ROBO2: variants seen among roughly 807,000 people sequenced by gnomAD.
The protein encoded by ROBO2 is roundabout homolog 2.
A neutral mutation model predicts 160.8 loss-of-function variants in ROBO2; 53 were observed. That is an observed-to-expected ratio of 0.33 (90% confidence interval 0.26 to 0.41). The LOEUF (loss-of-function observed/expected upper bound fraction) is 0.41. ROBO2 is among the 10% of genes least tolerant of loss of function. The probability of loss-of-function intolerance (pLI) is 1.00; values close to 1 mark genes in which losing one functional copy is unlikely to be tolerated. For missense variants in ROBO2, 1,577 were observed against 1,722.4 expected (o/e 0.92, Z 1.49); for synonymous variants, 664 against 611.7 (o/e 1.09, Z -1.26).
intron 2 of ROBO2, among the ~76,000 whole-genome samples, chr3:76,408,507 C>A (rs1039769696): frequency 5.3e-5 from 8 of 152,012 alleles, no homozygotes; most frequent in Admixed American, 5.2e-4. Context: ...AAAAGTATCT[C>A]ATTTAAGAAA....
At chr3:76,168,297 T>A (rs1205987647) in intron 2 of ROBO2, among the ~76,000 whole-genome samples, 1 of 152,178 alleles carries the variant, frequency 6.6e-6, no homozygotes, top group East Asian at 1.9e-4. Context: ...ACCTACCACA[T>A]ATTGAACTTC....
At chr3:77,034,022 T>A (rs1342133601) in intron 2 of ROBO2, among the ~76,000 whole-genome samples, 2 of 151,828 alleles carry the variant, frequency 1.3e-5, no homozygotes, top group African/African-American at 4.8e-5. Context: ...GTCCTTTGGA[T>A]CCTTTAAATT....
At chr3:77,393,305 A>G (rs1581602090) in intron 2 of ROBO2, among the ~76,000 whole-genome samples, 1 of 152,076 alleles carries the variant, frequency 6.6e-6, no homozygotes, top group African/African-American at 2.4e-5. Flanking sequence ...AGAAATTTAT[A>G]TTTGGTCTGA....
chr3:77,133,193 T>A (rs1009124822), intron 2 of ROBO2, among the ~76,000 whole-genome samples: 1 of 152,214 alleles, frequency 6.6e-6, no homozygotes, highest in African/African-American at 2.4e-5. Flanking sequence ...AGCAAAAAGC[T>A]GTTAGAGATT....
At chr3:75,954,627 CCA>C (rs1403916266) in intron 2 of ROBO2, among the ~76,000 whole-genome samples, 2 of 151,808 alleles carry the variant, frequency 1.3e-5, no homozygotes, top group South Asian at 2.1e-4. Context: ...CGAAACAAAG[CCA>C]CAGTCTTATA....
rs1579076291 is a variant in ROBO2 at position 77,112,185 on chromosome 3, A to G, written c.388+13845A>G. Among the ~76,000 whole-genome samples, 6 of 117,530 alleles carry G rather than the reference A, an allele frequency of 5.1e-5. 2 individuals are homozygous for G. In the Admixed American group the frequency reaches 6.4e-4, roughly 13 times the overall value. The allele number at this position is 117,530 out of a possible 152,430, so 77.1% of individuals were successfully genotyped here. The stretch of plus-strand genomic sequence containing the variant: ...ATTCCAGCCTGGGTGACAGAGCGAG[A>G]CTCGTCTCAAAAAAAAAAAAAAAAA... On this transcript the variant is annotated intron_variant, in intron 2 of 25. Coordinates refer to ENST00000461745, the Ensembl canonical transcript of ROBO2.
chr3:76,107,752 A>C (rs555880704), intron 2 of ROBO2, among the ~76,000 whole-genome samples: 1 of 152,220 alleles, frequency 6.6e-6, no homozygotes, highest in South Asian at 2.1e-4. Context: ...CTATTTTATG[A>C]TACCTGGTCA....
intron 2 of ROBO2, among the ~76,000 whole-genome samples, chr3:76,354,193 C>T (rs946952707): frequency 6.6e-6 from 1 of 151,908 alleles, no homozygotes; most frequent in Non-Finnish European, 1.5e-5. Flanking sequence ...AAAAACTGAG[C>T]AGTTCATATA....
chr3:76,322,861 A>C (rs553143022), intron 2 of ROBO2, among the ~76,000 whole-genome samples: 2 of 152,184 alleles, frequency 1.3e-5, no homozygotes, highest in Non-Finnish European at 2.9e-5. Context: ...AATTAAAATA[A>C]CTTTATGGGG....
chr3:76,566,380 T>A (rs2084523006), intron 2 of ROBO2, among the ~76,000 whole-genome samples: 1 of 152,132 alleles, frequency 6.6e-6, no homozygotes, highest in Admixed American at 6.5e-5. Context: ...GTCTCCCTAG[T>A]ACATCACTCA....
At chr3:75,996,793 C>G (rs2107539936) in intron 2 of ROBO2, among the ~76,000 whole-genome samples, 1 of 149,596 alleles carries the variant, frequency 6.7e-6, no homozygotes, top group African/African-American at 2.4e-5. Context: ...ATCATCAATT[C>G]TGATATATGT....
Position 76,141,177 on chromosome 3 carries a change from A to ATG in ROBO2, c.109+203576_109+203577insGT, listed in dbSNP as rs1553656217. The stretch of plus-strand genomic sequence containing the variant: ...TCTCTCTCTATATATATATATATAT[A>ATG]TATATATATATTTAATGTCTGATAT... On this transcript the variant is annotated intron_variant, in intron 2 of 26. Coordinates refer to the ROBO2 transcript ENST00000487694. Among the ~76,000 whole-genome samples the ATG allele has an allele frequency of 1.2e-3, 119 of 103,098 alleles. 1 individual carries two copies. Among genetic ancestry groups the ATG allele is most frequent in the African/African-American group, 3.2e-3 (87 of 27,452 alleles). 67.6% of individuals were successfully genotyped at this position (103,098 alleles called of 152,430 possible).
At chr3:77,274,427 T>C (rs569726734) in intron 2 of ROBO2, among the ~76,000 whole-genome samples, 1 of 152,238 alleles carries the variant, frequency 6.6e-6, no homozygotes, top group East Asian at 1.9e-4. Context: ...TTCATGAATA[T>C]AAAATTTTTA....
intron 2 of ROBO2, among the ~76,000 whole-genome samples, chr3:76,467,069 C>T (rs1205261045): frequency 6.6e-6 from 1 of 151,834 alleles, no homozygotes; most frequent in African/African-American, 2.4e-5. Flanking sequence ...ATAAAAAGGA[C>T]CAAAATGAGG....
chr3:76,533,500 G>C (rs1363471794), intron 2 of ROBO2, among the ~76,000 whole-genome samples: 41 of 152,168 alleles, frequency 2.7e-4, no homozygotes, highest in Non-Finnish European at 1.6e-4. Flanking sequence ...ACACCTGAAA[G>C]ATTATAAAAA....
intron 2 of ROBO2, among the ~76,000 whole-genome samples, chr3:76,922,116 C>T (rs2076701266): frequency 6.6e-6 from 1 of 152,108 alleles, no homozygotes; most frequent in Admixed American, 6.5e-5. Context: ...TCGAGACCAT[C>T]CTGGCTAACA....
intron 1 of ROBO2, among the ~76,000 whole-genome samples, chr3:77,071,409 A>ATGAC (rs1320420391): frequency 6.6e-6 from 1 of 152,224 alleles, no homozygotes; most frequent in African/African-American, 2.4e-5. Flanking sequence ...TTGTTGTATA[A>ATGAC]TGACTACTTG....
chr3:77,040,702 C>T, exon 1 of ROBO2: 2 of 1,609,420 alleles, frequency 1.2e-6, no homozygotes, highest in Non-Finnish European at 1.7e-6. Flanking sequence ...TTTGGACCTA[C>T]CTCTTTTTTT....
intron 2 of ROBO2, among the ~76,000 whole-genome samples, chr3:76,253,266 T>G (rs1161789243): frequency 6.6e-6 from 1 of 151,964 alleles, no homozygotes; most frequent in Non-Finnish European, 1.5e-5. Context: ...TAAAAAGTTA[T>G]GTTTATTTAT....
Sources: gnomAD v4.1 joint callset for allele counts (sites outside exome capture counted in the v4.1 genomes callset) on GRCh38, gnomAD v4.1.1 for gene constraint, MANE v1.5 for transcripts, NCBI Gene and HGNC (gene_info 2026-07-23, HGNC 2026-07-21) for gene names.